The following TYW1B variants were observed in gnomAD, a reference collection of about 807,000 sequenced individuals.
TYW1B encodes S-adenosyl-L-methionine-dependent tRNA 4-demethylwyosine synthase TYW1B.
A neutral mutation model predicts 86.9 loss-of-function variants in TYW1B; 73 were observed. That is an observed-to-expected ratio of 0.84 (90% CI 0.70 to 1.02). TYW1B has a LOEUF of 1.02. Among genes scored for constraint, TYW1B ranks in the 50% least tolerant of loss-of-function variants. The pLI, the probability that TYW1B is intolerant of heterozygous loss-of-function variation, is 0.00. For synonymous variants in TYW1B, 248 were observed against 292.8 expected, an observed-to-expected ratio of 0.85 and a Z score of 1.56; for missense variants, 637 against 827.4, an observed-to-expected ratio of 0.77 and a Z score of 2.82.
At chr7:72,711,740 G>T (rs1786673005) in intron 10 of TYW1B, among the ~76,000 whole-genome samples, 1 of 151,890 alleles carries the variant, frequency 6.6e-6, no homozygotes, top group Admixed American at 6.6e-5. Flanking sequence ...GCCCGTCTCA[G>T]CCTCCCAAAG....
chr7:72,659,399 T>A (rs1554444148), intron 11 of TYW1B, among the ~76,000 whole-genome samples: 1 of 151,942 alleles, frequency 6.6e-6, no homozygotes, highest in African/African-American at 2.4e-5. Flanking sequence ...GCTAACATGG[T>A]GAAACCTGTC....
chr7:72,810,938 T>C (rs1255686897), intron 3 of TYW1B, among the ~76,000 whole-genome samples: 20 of 152,102 alleles, frequency 1.3e-4, no homozygotes, highest in East Asian at 9.7e-4. Flanking sequence ...TTCTCATCAT[T>C]GCTGATTTGC....
At chr7:72,605,341 T>G (rs1342935802) in intron 13 of TYW1B, among the ~76,000 whole-genome samples, 10 of 150,766 alleles carry the variant, frequency 6.6e-5, no homozygotes, top group African/African-American at 1.5e-4. Context: ...ATGTTGTGGT[T>G]TTTTTTTTGT....
At chr7:72,620,446 G>A (rs1554437767) in intron 12 of TYW1B, among the ~76,000 whole-genome samples, 3 of 152,106 alleles carry the variant, frequency 2.0e-5, no homozygotes, top group Admixed American at 6.6e-5. Context: ...CCCTCTGAGG[G>A]AAGCAGTCCT....
intron 13 of TYW1B, among the ~76,000 whole-genome samples, chr7:72,580,332 A>G (rs1306078136): frequency 6.6e-6 from 1 of 152,234 alleles, no homozygotes; most frequent in Non-Finnish European, 1.5e-5. Flanking sequence ...AGACAGCTGC[A>G]TAAACAGAGG....
chr7:72,755,894 G>C (rs1787578030), intron 7 of TYW1B, among the ~76,000 whole-genome samples: 1 of 152,154 alleles, frequency 6.6e-6, no homozygotes, highest in African/African-American at 2.4e-5. Context: ...GGACCACCAA[G>C]GTAAATGAAG....
chr7:72,768,852 A>G, intron 7 of TYW1B: 1 of 292,008 alleles, frequency 3.4e-6, no homozygotes, highest in East Asian at 1.0e-4. Context: ...GACTTCTCTG[A>G]TTCACAAACT....
rs181951959 is a variant in TYW1B at position 72,728,194 on chromosome 7, G to A, written c.1192+628C>T. 3.6e-3 allele frequency among the ~76,000 whole-genome samples: 541 copies of A among 152,176 alleles called. 5 individuals carry two copies. Among genetic ancestry groups the A allele is most frequent in the African/African-American group, 0.012 (516 of 41,518 alleles). ...AAATTTCCAATCCATTCAAAAGGCT[G>A]CTCAGCTCAACGAGACAGAACAATA... On this transcript the variant is annotated intron_variant, in intron 9 of 13. Coordinates refer to ENST00000620995, the MANE Select transcript of TYW1B (RefSeq NM_001145440.3).
chr7:72,662,426 T>TATATATAG (rs1554444596), intron 11 of TYW1B, among the ~76,000 whole-genome samples: 19 of 118,740 alleles, frequency 1.6e-4, no homozygotes, highest in East Asian at 9.6e-4. Flanking sequence ...AATATATATA[T>TATATATAG]ATAGATAGAT....
At chr7:72,627,310 C>G (rs138037157) in intron 12 of TYW1B, among the ~76,000 whole-genome samples, 1,873 of 151,826 alleles carry the variant, frequency 0.012, 25 homozygotes, top group African/African-American at 0.04. Context: ...TAGCCAGGTG[C>G]GGTAGTGGGC....
At chr7:72,715,901 C>T (rs1400438952) in intron 9 of TYW1B, among the ~76,000 whole-genome samples, 3 of 152,092 alleles carry the variant, frequency 2.0e-5, no homozygotes, top group South Asian at 2.1e-4. Flanking sequence ...GTGTCTTCTC[C>T]GACTCCTATT....
intron 11 of TYW1B, among the ~76,000 whole-genome samples, chr7:72,675,826 CTAA>C (rs752846201): frequency 5.5e-4 from 84 of 151,960 alleles, no homozygotes; most frequent in Non-Finnish European, 5.3e-4. Context: ...TCCTCTAGTA[CTAA>C]TAATACCTTG....
chr7:72,687,342 G>T (rs1554449600), intron 11 of TYW1B, among the ~76,000 whole-genome samples: 1 of 152,188 alleles, frequency 6.6e-6, no homozygotes, highest in Non-Finnish European at 1.5e-5. Context: ...GCTGAGACAG[G>T]ATAATCACTT....
chr7:72,703,770 A>C (rs376801384), intron 10 of TYW1B, among the ~76,000 whole-genome samples: 1 of 151,592 alleles, frequency 6.6e-6, no homozygotes, highest in Non-Finnish European at 1.5e-5. Context: ...TGGGAGAATC[A>C]CTTGAATTCG....
intron 2 of TYW1B, among the ~76,000 whole-genome samples, chr7:72,817,551 T>C (rs558978363): frequency 9.3e-4 from 141 of 152,168 alleles, no homozygotes; most frequent in African/African-American, 3.3e-3. Context: ...ATAGGAGGTG[T>C]TTGGGTCATG....
At chr7:72,721,624 GCACACACACACACGCACA>G (rs1786904127) in intron 9 of TYW1B, among the ~76,000 whole-genome samples, 1 of 150,514 alleles carries the variant, frequency 6.6e-6, no homozygotes, top group South Asian at 2.1e-4. Context: ...ACACACACAT[GCACACACACACACGCACA>G]CACACACAGG....
intron 11 of TYW1B, among the ~76,000 whole-genome samples, chr7:72,660,239 T>C (rs1813297324): frequency 6.6e-6 from 1 of 152,090 alleles, no homozygotes; most frequent in African/African-American, 2.4e-5. Context: ...CCAGGTGTGA[T>C]GGTGCATGCC....
intron 11 of TYW1B, among the ~76,000 whole-genome samples, chr7:72,674,733 C>G (rs1813695442): frequency 1.3e-5 from 2 of 150,300 alleles, no homozygotes; most frequent in African/African-American, 4.9e-5. Flanking sequence ...TTTTAAAAAG[C>G]ACAGTTTCAA....
intron 11 of TYW1B, among the ~76,000 whole-genome samples, chr7:72,681,240 T>C (rs560254888): frequency 1.6e-4 from 25 of 152,354 alleles, no homozygotes; most frequent in African/African-American, 5.8e-4. Flanking sequence ...TAAATGCAAT[T>C]TGCTCGTTCA....
Sources: allele counts gnomAD v4.1 joint callset (sites outside exome capture counted in the v4.1 genomes callset), GRCh38; gene constraint gnomAD v4.1.1; transcripts MANE v1.5; gene names NCBI Gene and HGNC (gene_info 2026-07-23, HGNC 2026-07-21).